Variants in KHDRBS2 observed in about 807,000 individuals in gnomAD.
KHDRBS2 encodes the protein KH domain-containing, RNA-binding, signal transduction-associated protein 2.
Under a neutral mutation model 44.3 loss-of-function variants are expected in KHDRBS2, and 26 were observed. The observed-to-expected ratio is 0.59, with a 90% CI of 0.43 to 0.81. KHDRBS2 has a LOEUF of 0.81. Ranked by LOEUF, KHDRBS2 falls within the 40% of genes least tolerant of loss-of-function variation. The probability of loss-of-function intolerance (pLI) is 0.00; values close to 1 mark genes in which losing one functional copy is unlikely to be tolerated. For missense variants in KHDRBS2, 476 were observed against 433.1 expected (o/e 1.10, Z -0.88); for synonymous variants, 194 against 151.1 (o/e 1.28, Z -2.08).
chr6:61,663,086 T>G, the KHDRBS2 span, among the ~76,000 whole-genome samples: 1 of 151,756 alleles, frequency 6.6e-6, no homozygotes, highest in African/African-American at 2.4e-5. Context: ...AATGATGAGT[T>G]CATGTCCTTT....
At chr6:62,024,855 T>A (rs1328563777) in intron 3 of KHDRBS2, among the ~76,000 whole-genome samples, 1 of 151,652 alleles carries the variant, frequency 6.6e-6, no homozygotes, top group Admixed American at 6.6e-5. Context: ...TATTAAAGTA[T>A]ATTAAAAGTA....
At chr6:61,936,020 T>A (rs947884287) in intron 4 of KHDRBS2, among the ~76,000 whole-genome samples, 1 of 152,092 alleles carries the variant, frequency 6.6e-6, no homozygotes, top group Non-Finnish European at 1.5e-5. Context: ...AAATTTTAAA[T>A]CTATCTCTAT....
At chr6:62,059,465 GC>G (rs1433767698) in intron 2 of KHDRBS2, among the ~76,000 whole-genome samples, 2 of 151,066 alleles carry the variant, frequency 1.3e-5, no homozygotes, top group African/African-American at 2.4e-5. Flanking sequence ...TGAGACTGAA[GC>G]AATATCCTCA....
chr6:62,010,450 G>A (rs1273182631), intron 3 of KHDRBS2, among the ~76,000 whole-genome samples: 3 of 152,168 alleles, frequency 2.0e-5, no homozygotes, highest in African/African-American at 7.2e-5. Context: ...GACTTTGGGG[G>A]ACTGTTGGGA....
chr6:61,728,098 T>C (rs1023047515), intron 7 of KHDRBS2, among the ~76,000 whole-genome samples: 32 of 152,012 alleles, frequency 2.1e-4, no homozygotes, highest in African/African-American at 7.0e-4. Context: ...CATGGAATAC[T>C]ATGCAGCCAT....
At chr6:61,950,350 C>CAGAT (rs1247727704) in intron 4 of KHDRBS2, among the ~76,000 whole-genome samples, 1 of 151,974 alleles carries the variant, frequency 6.6e-6, no homozygotes, top group Non-Finnish European at 1.5e-5. Flanking sequence ...TCCTTCTGAA[C>CAGAT]AGATGCTAGG....
the KHDRBS2 span, among the ~76,000 whole-genome samples, chr6:61,556,483 A>T: frequency 6.6e-6 from 1 of 152,202 alleles, no homozygotes; most frequent in African/African-American, 2.4e-5. Flanking sequence ...AGACATTCTA[A>T]GTTGTCTTCT....
At chr6:61,634,870 T>C in the KHDRBS2 span, among the ~76,000 whole-genome samples, 1 of 152,210 alleles carries the variant, frequency 6.6e-6, no homozygotes, top group East Asian at 1.9e-4. Flanking sequence ...ATGAACAACA[T>C]CTGGCTTATT....
chr6:61,968,463 G>A (rs769011149), intron 4 of KHDRBS2, among the ~76,000 whole-genome samples: 16 of 151,896 alleles, frequency 1.1e-4, no homozygotes, highest in Non-Finnish European at 1.9e-4. Context: ...GAAAACAAGA[G>A]GTCCCCAAAT....
the KHDRBS2 span, among the ~76,000 whole-genome samples, chr6:61,637,134 TA>T: frequency 2.0e-5 from 3 of 152,110 alleles, no homozygotes; most frequent in Admixed American, 2.0e-4. Flanking sequence ...CTGTACCCAC[TA>T]ACTCGTCATC....
chr6:61,666,536 A>G, the KHDRBS2 span, among the ~76,000 whole-genome samples: 17 of 151,402 alleles, frequency 1.1e-4, 1 homozygote, highest in Admixed American at 1.1e-3. Flanking sequence ...TCTTGCAGTT[A>G]ACCAGAAATC....
chr6:62,227,832 A>AT (rs1484179997), intron 1 of KHDRBS2, among the ~76,000 whole-genome samples: 2 of 152,074 alleles, frequency 1.3e-5, no homozygotes, highest in Admixed American at 1.3e-4. Context: ...ACATTTATTG[A>AT]TTTTCATATG....
At chr6:61,585,941 T>C in the KHDRBS2 span, among the ~76,000 whole-genome samples, 1 of 152,156 alleles carries the variant, frequency 6.6e-6, no homozygotes, top group Non-Finnish European at 1.5e-5. Context: ...TCTGTGCTTA[T>C]CATGAATGAG....
chr6:62,067,777 C>A (rs1794088014), intron 2 of KHDRBS2, among the ~76,000 whole-genome samples: 1 of 151,548 alleles, frequency 6.6e-6, no homozygotes, highest in Admixed American at 6.6e-5. Flanking sequence ...CTACTTCCAT[C>A]TCTATACATT....
intron 8 of KHDRBS2, among the ~76,000 whole-genome samples, chr6:61,692,073 G>A (rs758725560): frequency 6.6e-6 from 1 of 152,090 alleles, no homozygotes; most frequent in Non-Finnish European, 1.5e-5. Context: ...TCCATTCTTA[G>A]CTATCAGTCT....
rs188900594 is a variant in KHDRBS2 at position 61,770,633 on chromosome 6, G to A, written c.811-37869C>T. 9.4e-3 allele frequency among the ~76,000 whole-genome samples: 1,426 copies of A among 152,082 alleles called. 4 individuals carry two copies. Among genetic ancestry groups the A allele is most frequent in the Middle Eastern group, 0.024 (7 of 294 alleles). On this transcript the variant is annotated intron_variant, in intron 6 of 8. Coordinates refer to ENST00000281156, the MANE Select transcript of KHDRBS2 (RefSeq NM_152688.4). ...AAATGAAGTGAGAAGAGAAGTTTAG[G>A]GGAAAAAGAATAAAAAGAAATGAAC...
At chr6:61,590,484 T>C in the KHDRBS2 span, among the ~76,000 whole-genome samples, 1 of 152,200 alleles carries the variant, frequency 6.6e-6, no homozygotes, top group Admixed American at 6.6e-5. Context: ...AATAAGTTTA[T>C]CTATATATCA....
At chr6:61,721,237 G>A (rs1054982791) in intron 7 of KHDRBS2, among the ~76,000 whole-genome samples, 6 of 152,166 alleles carry the variant, frequency 3.9e-5, no homozygotes, top group Non-Finnish European at 7.4e-5. Flanking sequence ...TGTCCTTTTG[G>A]CTCCGGATTG....
chr6:62,042,673 G>T (rs1446654382), intron 3 of KHDRBS2, among the ~76,000 whole-genome samples: 1 of 152,044 alleles, frequency 6.6e-6, no homozygotes, highest in East Asian at 1.9e-4. Flanking sequence ...TGCCCACTAG[G>T]CAGCCACATC....
Sources: allele counts gnomAD v4.1 joint callset (sites outside exome capture counted in the v4.1 genomes callset), GRCh38; gene constraint gnomAD v4.1.1; transcripts MANE v1.5; gene names NCBI Gene and HGNC (gene_info 2026-07-23, HGNC 2026-07-21).